TAOK3: variants seen among roughly 807,000 people sequenced by gnomAD.
TAOK3 encodes TAO kinase 3.
Under a neutral mutation model 120.4 loss-of-function variants are expected in TAOK3, and 40 were observed. The ratio of observed to expected loss-of-function variants is 0.33; its 90% CI spans 0.26 to 0.43. TAOK3 has a LOEUF of 0.43. Ranked by LOEUF, TAOK3 falls within the 20% of genes least tolerant of loss-of-function variation. The pLI is 1.00. For synonymous variants in TAOK3, 355 were observed against 387.5 expected (o/e 0.92, Z 0.99); for missense variants, 821 against 1,112.1 (o/e 0.74, Z 3.72).
intron 1 of TAOK3, among the ~76,000 whole-genome samples, chr12:118,307,589 G>A (rs1213898180): frequency 1.3e-5 from 2 of 152,140 alleles, no homozygotes; most frequent in Non-Finnish European, 2.9e-5. Context: ...AAGTGTTTTT[G>A]CAGGGTTTAG....
chr12:118,287,136 G>T (rs1012198440), intron 1 of TAOK3, among the ~76,000 whole-genome samples: 1 of 152,028 alleles, frequency 6.6e-6, no homozygotes, highest in East Asian at 1.9e-4. Flanking sequence ...TGGGTGATGG[G>T]TGCACCAAAA....
At chr12:118,180,430 G>A (rs1265569272) in intron 15 of TAOK3, among the ~76,000 whole-genome samples, 1 of 151,724 alleles carries the variant, frequency 6.6e-6, no homozygotes, top group Non-Finnish European at 1.5e-5. Flanking sequence ...TTGTGGAGAC[G>A]GGGTTTTGCC....
intron 3 of TAOK3, among the ~76,000 whole-genome samples, chr12:118,253,553 C>T (rs1013902588): frequency 2.6e-5 from 4 of 151,040 alleles, no homozygotes; most frequent in South Asian, 2.1e-4. Flanking sequence ...GCCTGGCCAA[C>T]ACAGTAAAAC....
intron 2 of TAOK3, among the ~76,000 whole-genome samples, chr12:118,258,067 G>C (rs540656561): frequency 2.0e-5 from 3 of 152,160 alleles, no homozygotes; most frequent in Non-Finnish European, 2.9e-5. Flanking sequence ...TTTTGACTTA[G>C]ATGTGAAAAA....
At chr12:118,159,103 T>C (rs916338196) in intron 19 of TAOK3, among the ~76,000 whole-genome samples, 5 of 152,200 alleles carry the variant, frequency 3.3e-5, no homozygotes, top group Admixed American at 3.3e-4. Context: ...CTCCTTGAAC[T>C]TTGGGCTCAC....
chr12:118,265,380 C>A (rs2041401437), intron 2 of TAOK3, among the ~76,000 whole-genome samples: 1 of 118,936 alleles, frequency 8.4e-6, no homozygotes. Flanking sequence ...CAGAGTGAAA[C>A]ACTGTCTCAG....
At chr12:118,324,133 C>T (rs1316693239) in intron 1 of TAOK3, among the ~76,000 whole-genome samples, 2 of 152,036 alleles carry the variant, frequency 1.3e-5, no homozygotes, top group African/African-American at 4.8e-5. Flanking sequence ...AATTTCTCAT[C>T]TTTCATCAAA....
chr12:118,175,100 G>C (rs2036239710), intron 16 of TAOK3, among the ~76,000 whole-genome samples: 1 of 152,122 alleles, frequency 6.6e-6, no homozygotes. Context: ...CTTCTGAGTT[G>C]GGCTATTCTC....
chr12:118,259,541 A>G (rs752273589), intron 2 of TAOK3, among the ~76,000 whole-genome samples: 2 of 152,178 alleles, frequency 1.3e-5, no homozygotes, highest in Non-Finnish European at 2.9e-5. Context: ...CCCTATCTCA[A>G]AAAACAAACA....
Position 118,161,825 on chromosome 12 carries a change from T to C in TAOK3, c.2102A>G (p.His701Arg). The change falls in exon 18 of 21, where the codon CAT becomes CGT. Residue 701 changes from histidine to arginine, a missense_variant. His to Arg is a conservative substitution (Grantham distance 29, BLOSUM62 0). This residue lies in a region of TAOK3 where 354 missense variants were observed against 572.1 expected (regional missense o/e 0.62). Coordinates refer to ENST00000392533, the MANE Select transcript of TAOK3 (RefSeq NM_016281.4). The surrounding 1 kb of genome is among the most constrained non-coding windows in gnomAD (Gnocchi z 4.5). The stretch of plus-strand genomic sequence containing the variant: ...TGGCTGTTGCCGAAGTTCCATGACA[T>C]GCTTTCTGTGCAGTTCTCTTTCTCG... ...KRRERELHRK[H>R]VMELRQQPKN... 1 of 1,614,232 alleles carries C rather than the reference T, an allele frequency of 6.2e-7. No individual in the cohort carries two copies. Among genetic ancestry groups the C allele is most frequent in the Non-Finnish European group, 8.5e-7 (1 of 1,180,036 alleles).
chr12:118,241,306 T>C (rs1295090444), intron 5 of TAOK3, among the ~76,000 whole-genome samples: 1 of 152,020 alleles, frequency 6.6e-6, no homozygotes, highest in Non-Finnish European at 1.5e-5. Context: ...GTAAATGTTA[T>C]AATGAACACT....
At chr12:118,347,161 A>G (rs1188245502) in intron 1 of TAOK3, among the ~76,000 whole-genome samples, 1 of 151,962 alleles carries the variant, frequency 6.6e-6, no homozygotes, top group Admixed American at 6.6e-5. Context: ...GTGTCACCAC[A>G]CCCAGCTAAT....
intron 9 of TAOK3, among the ~76,000 whole-genome samples, chr12:118,231,448 T>C (rs766287549): frequency 4.6e-5 from 7 of 152,158 alleles, no homozygotes; most frequent in South Asian, 4.1e-4. Flanking sequence ...ATATGTTGTT[T>C]TGTCGGAAGG....
chr12:118,344,724 C>T (rs2044779515), intron 1 of TAOK3, among the ~76,000 whole-genome samples: 1 of 151,862 alleles, frequency 6.6e-6, no homozygotes, highest in South Asian at 2.1e-4. Flanking sequence ...AAATCATGAC[C>T]AATTAATAAT....
intron 9 of TAOK3, among the ~76,000 whole-genome samples, chr12:118,219,770 CTT>C (rs35568926): frequency 4.2e-4 from 25 of 58,852 alleles, no homozygotes; most frequent in Admixed American, 2.5e-3. Context: ...ACTTTTTTGG[CTT>C]TTTTTTTTTT....
intron 19 of TAOK3, among the ~76,000 whole-genome samples, chr12:118,154,793 G>T (rs1309861447): frequency 6.6e-6 from 1 of 152,022 alleles, no homozygotes; most frequent in Non-Finnish European, 1.5e-5. Context: ...CTTTACAGTG[G>T]CTTACACTGA....
intron 16 of TAOK3, among the ~76,000 whole-genome samples, chr12:118,176,872 T>G (rs770504363): frequency 6.6e-6 from 1 of 152,074 alleles, no homozygotes; most frequent in Non-Finnish European, 1.5e-5. Flanking sequence ...GTTCAGGTGA[T>G]TCTCCTGCCT....
chr12:118,264,879 C>CA (rs1240628755), intron 2 of TAOK3, among the ~76,000 whole-genome samples: 3 of 151,020 alleles, frequency 2.0e-5, no homozygotes, highest in Non-Finnish European at 4.4e-5. Flanking sequence ...ACTAAAAACA[C>CA]AAAAATCAGC....
intron 1 of TAOK3, among the ~76,000 whole-genome samples, chr12:118,368,134 G>A (rs916971501): frequency 5.3e-5 from 8 of 152,196 alleles, no homozygotes; most frequent in Non-Finnish European, 1.2e-4. Flanking sequence ...AAAAGACCTT[G>A]CAATGTGTGG....
Sources: allele counts gnomAD v4.1 joint callset (sites outside exome capture counted in the v4.1 genomes callset), GRCh38; gene constraint gnomAD v4.1.1; regional missense constraint gnomAD v4.1.1; non-coding constraint Gnocchi (gnomAD v3.1); transcripts MANE v1.5; gene names NCBI Gene and HGNC (gene_info 2026-07-23, HGNC 2026-07-21).